The following HLCS variants were observed in gnomAD, a reference collection of about 807,000 sequenced individuals.
HLCS encodes the protein holocarboxylase synthetase.
A neutral mutation model predicts 75.0 loss-of-function variants in HLCS; 53 were observed. That is an observed-to-expected ratio of 0.71 (90% CI 0.57 to 0.89). The LOEUF is 0.89. Ranked by LOEUF, HLCS falls within the 40% of genes least tolerant of loss-of-function variation. HLCS has a pLI of 0.00. For synonymous variants in HLCS, 431 were observed against 428.6 expected (o/e 1.01, Z -0.07); for missense variants, 966 against 1,074.0 (o/e 0.90, Z 1.41).
At chr21:36,961,609 A>C (rs1385508417) in intron 2 of HLCS, among the ~76,000 whole-genome samples, 1 of 152,174 alleles carries the variant, frequency 6.6e-6, no homozygotes, top group Admixed American at 6.5e-5. Flanking sequence ...TTAACCCAAA[A>C]TATCCAAAGA....
rs890115716 is a variant in HLCS, at chr21:36,828,687, C to T, written c.1893-61402G>A. Among the ~76,000 whole-genome samples the T allele has an allele frequency of 2.0e-5, 3 of 152,052 alleles. No individual in the cohort carries two copies. In the South Asian group the frequency reaches 6.2e-4, roughly 32 times the overall value. Reference sequence around the variant, plus strand: ...AGATGCCAAGTAGATTAAAATTGATCCCTAGCATAAAAGTTGTGATCAATA... The same window carrying T: ...AGATGCCAAGTAGATTAAAATTGATTCCTAGCATAAAAGTTGTGATCAATA... On this transcript the variant is annotated intron_variant, in intron 6 of 10. Transcript: ENST00000674895.
rs191115811 is a variant in HLCS at position 36,962,151 on chromosome 21, T to C, written c.215A>G (p.Lys72Arg). 3.1e-6 allele frequency: 4 copies of C among 1,288,708 alleles called. No individual in the cohort carries two copies. In the African/African-American group the frequency reaches 6.1e-5, roughly 20 times the overall value. 79.8% of individuals were successfully genotyped at this position (1,288,708 alleles called of 1,614,324 possible). A position where few individuals can be genotyped will look rare whatever the true frequency, so the allele number is the denominator to read the frequency against. ...SDSQSIEDLNKWALFLVSPFI... is the reference protein window; with the variant it reads ...SDSQSIEDLNRWALFLVSPFI... ...AGGAGACACAAGAAATAGGGCCCAC[T>C]TGTTCAAGTCTTCAATGGACTGTAT... Residue 72 changes from lysine (K) to arginine (R), a missense_variant, in exon 2 of 11, where the codon AAG becomes AGG. Physicochemically the swap from Lys to Arg is conservative, Grantham distance 26. Transcript: ENST00000674895.
chr21:36,795,291 A>C (rs1232460384), intron 6 of HLCS, among the ~76,000 whole-genome samples: 1 of 152,214 alleles, frequency 6.6e-6, no homozygotes, highest in African/African-American at 2.4e-5. Flanking sequence ...CTGCGAGGAC[A>C]CATTGACGGT....
chr21:36,845,264 ATAT>A (rs1208714122), intron 6 of HLCS, among the ~76,000 whole-genome samples: 3 of 152,062 alleles, frequency 2.0e-5, no homozygotes, highest in Non-Finnish European at 4.4e-5. Flanking sequence ...AGCGGGTTCC[ATAT>A]TACCAGGGAG....
rs537487489 is a variant in HLCS, at chr21:36,941,160, C to T, written c.331-2166G>A. Among the ~76,000 whole-genome samples the T allele has an allele frequency of 3.9e-4, 59 of 152,218 alleles. 1 individual carries two copies. The highest frequency in any genetic ancestry group is 1.2e-3 in the African/African-American group (51 of 41,538). The stretch of plus-strand genomic sequence containing the variant: ...CCAGGAGTTGGAGGTTGCAGTAAGC[C>T]GAGATCATGCCATTGCACTCCAGCC... On this transcript the variant is annotated intron_variant, in intron 2 of 10. Transcript: ENST00000674895.
At chr21:36,768,099 C>T (rs974037542) in intron 6 of HLCS, among the ~76,000 whole-genome samples, 9 of 152,254 alleles carry the variant, frequency 5.9e-5, no homozygotes, top group Non-Finnish European at 1.3e-4. Context: ...TCTCTACGTG[C>T]CCAGGAATTG....
intron 5 of HLCS, among the ~76,000 whole-genome samples, chr21:36,905,480 T>G (rs2065411896): frequency 6.6e-6 from 1 of 152,224 alleles, no homozygotes; most frequent in Non-Finnish European, 1.5e-5. Flanking sequence ...AATGTTATTT[T>G]TCTAACATTT....
chr21:36,966,436 C>A lies in HLCS; in HGVS notation c.195+8G>T. On this transcript the variant is annotated splice_region_variant and intron_variant, in intron 1 of 10. Coordinates refer to ENST00000674895, the MANE Select transcript of HLCS (RefSeq NM_001352514.2). ...GGCCCGGGTCGCCCGCCCGCCCGAC[C>A]CGCCCACCTGGCTGTCGCTGACGCA... 1.1e-6 allele frequency: 1 copy of A among 928,754 alleles called. No homozygotes were observed. Among genetic ancestry groups the A allele is most frequent in the Non-Finnish European group, 1.3e-6 (1 of 778,720 alleles). The allele number at this position is 928,754 out of a possible 1,614,324, so 57.5% of individuals were successfully genotyped here. A position where few individuals can be genotyped will look rare whatever the true frequency, so the allele number is the denominator to read the frequency against.
At chr21:36,875,870 T>G (rs894350022) in intron 6 of HLCS, among the ~76,000 whole-genome samples, 4 of 151,924 alleles carry the variant, frequency 2.6e-5, no homozygotes, top group African/African-American at 9.7e-5. Flanking sequence ...GAGCCAGACC[T>G]AGGGGCTCCC....
intron 6 of HLCS, among the ~76,000 whole-genome samples, chr21:36,851,372 T>C (rs972595630): frequency 6.6e-6 from 1 of 152,208 alleles, no homozygotes; most frequent in Non-Finnish European, 1.5e-5. Context: ...ATATTGTCAT[T>C]TGCAACAACA....
intron 6 of HLCS, among the ~76,000 whole-genome samples, chr21:36,839,150 GCACTGCTT>G (rs2062527975): frequency 6.6e-6 from 1 of 152,122 alleles, no homozygotes; most frequent in Admixed American, 6.5e-5. Context: ...TTAAACACAG[GCACTGCTT>G]CACATATGAA....
At chr21:36,778,391 T>C (rs2060430777) in intron 6 of HLCS, among the ~76,000 whole-genome samples, 1 of 152,168 alleles carries the variant, frequency 6.6e-6, no homozygotes, top group African/African-American at 2.4e-5. Flanking sequence ...GCGATTCTCC[T>C]GCCACAGCCT....
At position 36,752,107 on chromosome 21, in the gene HLCS, T is replaced by C. The variant is rs1488325421; in HGVS notation, c.*2139A>G. 1 of 152,632 alleles carries C rather than the reference T, an allele frequency of 6.6e-6. No homozygotes were observed. The highest frequency in any genetic ancestry group is 1.9e-4 in the East Asian group (1 of 5,198). 9.5% of individuals were successfully genotyped at this position (152,632 alleles called of 1,614,324 possible). A position where few individuals can be genotyped will look rare whatever the true frequency, so the allele number is the denominator to read the frequency against. On this transcript the variant is annotated 3_prime_UTR_variant, in exon 11 of 11. Coordinates refer to ENST00000674895, the MANE Select transcript of HLCS (RefSeq NM_001352514.2). Reference sequence around the variant, plus strand: ...ATAGAAGCGGAGTTTTGAGAGTCTTTGGTTCATGTGAGGCAAAATCAGGTT... The same window carrying C: ...ATAGAAGCGGAGTTTTGAGAGTCTTCGGTTCATGTGAGGCAAAATCAGGTT...
intron 6 of HLCS, among the ~76,000 whole-genome samples, chr21:36,835,760 AATT>A (rs2062387469): frequency 6.6e-6 from 1 of 152,158 alleles, no homozygotes; most frequent in Non-Finnish European, 1.5e-5. Context: ...GGAGTAGTCT[AATT>A]AGCCTCTGTG....
chr21:36,775,163 C>T (rs1568990690), intron 6 of HLCS, among the ~76,000 whole-genome samples: 2 of 152,194 alleles, frequency 1.3e-5, no homozygotes, highest in Admixed American at 1.3e-4. Flanking sequence ...GCTTCATTTC[C>T]GTAGCTCCTG....
intron 5 of HLCS, among the ~76,000 whole-genome samples, chr21:36,917,536 A>G (rs549996660): frequency 6.6e-6 from 1 of 152,202 alleles, no homozygotes; most frequent in Non-Finnish European, 1.5e-5. Context: ...TGAAAAACAC[A>G]CAAGTCTTAA....
upstream of HLCS, chr21:36,968,478 C>A (rs1229099356): frequency 6.6e-6 from 1 of 151,772 alleles, no homozygotes; most frequent in Non-Finnish European, 1.5e-5. Flanking sequence ...TAAAAGCAAG[C>A]ATCTCTGTGG....
intron 6 of HLCS, among the ~76,000 whole-genome samples, chr21:36,860,906 C>A (rs2063361476): frequency 6.6e-6 from 1 of 152,246 alleles, no homozygotes; most frequent in African/African-American, 2.4e-5. Flanking sequence ...ATCACTCAAT[C>A]AATTACCGTC....
chr21:36,878,797 G>C (rs1474298404), intron 6 of HLCS, among the ~76,000 whole-genome samples: 1 of 152,152 alleles, frequency 6.6e-6, no homozygotes, highest in Admixed American at 6.5e-5. Context: ...GAAGTATGGG[G>C]AACATAGTAC....
Sources: gnomAD v4.1 joint callset for allele counts (sites outside exome capture counted in the v4.1 genomes callset) on GRCh38, gnomAD v4.1.1 for gene constraint, MANE v1.5 for transcripts, NCBI Gene and HGNC (gene_info 2026-07-23, HGNC 2026-07-21) for gene names.